Variants in KIAA0319 observed in about 807,000 individuals in gnomAD.
KIAA0319 encodes the protein dyslexia-associated protein KIAA0319.
Under a neutral mutation model 108.4 loss-of-function variants are expected in KIAA0319, and 83 were observed. The ratio of observed to expected loss-of-function variants is 0.77; its 90% CI spans 0.64 to 0.92. The LOEUF is 0.92. Among genes scored for constraint, KIAA0319 ranks in the 40% least tolerant of loss-of-function variants. The pLI, the probability that KIAA0319 is intolerant of heterozygous loss-of-function variation, is 0.00. For missense variants in KIAA0319, 1,195 were observed against 1,322.4 expected, an observed-to-expected ratio of 0.90 and a Z score of 1.49; for synonymous variants, 484 against 510.4, an observed-to-expected ratio of 0.95 and a Z score of 0.70.
intron 3 of KIAA0319, among the ~76,000 whole-genome samples, chr6:24,595,072 C>T (rs930766252): frequency 5.9e-5 from 9 of 152,250 alleles, no homozygotes; most frequent in South Asian, 4.1e-4. Context: ...CGTTTTATGA[C>T]GCTTAAGTTC....
intron 13 of KIAA0319, 112 bp downstream of exon 13, chr6:24,568,669 C>T: frequency 8.9e-7 from 1 of 1,122,498 alleles, no homozygotes; most frequent in Non-Finnish European, 1.3e-6. Flanking sequence ...TCGGCATCTG[C>T]TGCGAACAAA....
At chr6:24,628,439 G>A (rs982963921) in intron 1 of KIAA0319, among the ~76,000 whole-genome samples, 5 of 152,058 alleles carry the variant, frequency 3.3e-5, no homozygotes, top group African/African-American at 9.7e-5. Context: ...ACTGCCCTGT[G>A]GGTTTTTAAA....
intron 2 of KIAA0319, chr6:24,598,590 A>G (rs553842188): frequency 1.6e-5 from 6 of 383,254 alleles, no homozygotes; most frequent in South Asian, 1.3e-4. Flanking sequence ...ATAATTTTAC[A>G]GAAGGGTGGG....
downstream of KIAA0319, among the ~76,000 whole-genome samples, chr6:24,540,290 C>A (rs1451521000): frequency 1.3e-5 from 2 of 152,150 alleles, no homozygotes; most frequent in African/African-American, 4.8e-5. Flanking sequence ...TTTGTTTACA[C>A]CAGCATCACC....
At chr6:24,540,260 T>C (rs1438253927), downstream of KIAA0319, among the ~76,000 whole-genome samples, 2 of 152,244 alleles carry the variant, frequency 1.3e-5, no homozygotes, top group African/African-American at 4.8e-5. Context: ...GCTATACTCT[T>C]ATACAACTGA....
At chr6:24,638,172 T>C (rs1352297593) in intron 1 of KIAA0319, among the ~76,000 whole-genome samples, 1 of 152,072 alleles carries the variant, frequency 6.6e-6, no homozygotes, top group South Asian at 2.1e-4. Flanking sequence ...ATGTTTGAAG[T>C]GGTAAAAGAA....
At chr6:24,597,949 A>AAAAAAAAC (rs1769977212) in intron 2 of KIAA0319, 1 of 139,692 alleles carries the variant, frequency 7.2e-6, no homozygotes, top group Non-Finnish European at 1.5e-5. Context: ...AAAAAAAAAA[A>AAAAAAAAC]ACCACCTAGA....
chr6:24,591,699 C>T (rs1768496810), intron 3 of KIAA0319, among the ~76,000 whole-genome samples: 1 of 152,164 alleles, frequency 6.6e-6, no homozygotes, highest in Admixed American at 6.6e-5. Context: ...CTTACTAACA[C>T]TTATTATCTA....
At position 24,582,670 on chromosome 6, in the gene KIAA0319, A is replaced by C. The variant is rs189494225; in HGVS notation, c.1094-324T>G. Among the ~76,000 whole-genome samples, 679 of 151,356 alleles carry C rather than the reference A, an allele frequency of 4.5e-3. 4 individuals are homozygous for C. The highest frequency in any genetic ancestry group is 0.015 in the African/African-American group (637 of 41,330). ...AAAATGTATAAAGTTAAAAAAAAAA[A>C]AACCTCCCTAACTTAACCATTAGTA... On this transcript the variant is annotated intron_variant, in intron 5 of 20. Coordinates refer to ENST00000378214, the MANE Select transcript of KIAA0319 (RefSeq NM_014809.4).
chr6:24,590,654 AG>A (rs1308506983), intron 3 of KIAA0319, among the ~76,000 whole-genome samples: 1 of 152,190 alleles, frequency 6.6e-6, no homozygotes, highest in Non-Finnish European at 1.5e-5. Flanking sequence ...TAAAGAATGA[AG>A]GTAGACAGTG....
At position 24,588,740 on chromosome 6, in the gene KIAA0319, T is replaced by G; in HGVS notation, c.847A>C (p.Ser283Arg). 1 of 1,613,902 alleles carries G rather than the reference T, an allele frequency of 6.2e-7. No homozygotes were observed. Among genetic ancestry groups the G allele is most frequent in the East Asian group, 2.2e-5 (1 of 44,858 alleles). ...HSLPPASLEL[S>R]SVTVEKSPVL... ...GGGCTTTTCTCCACGGTGACTGAGC[T>G]GAGCTCCAGGCTTGCCGGAGGAAGA... is the stretch of plus-strand genomic sequence containing the variant. The change falls in exon 4 of 21, where the codon AGC becomes CGC. Residue 283 changes from serine (S) to arginine (R), a missense_variant. By Grantham distance (110) the Ser-to-Arg change is moderately radical (BLOSUM62 -1). Coordinates refer to ENST00000378214, the MANE Select transcript of KIAA0319 (RefSeq NM_014809.4).
At chr6:24,631,153 T>C (rs1775532532) in intron 1 of KIAA0319, among the ~76,000 whole-genome samples, 2 of 152,238 alleles carry the variant, frequency 1.3e-5, no homozygotes, top group South Asian at 4.1e-4. Flanking sequence ...TATTCCTAGT[T>C]CAATTTAGCC....
intron 19 of KIAA0319, among the ~76,000 whole-genome samples, chr6:24,554,137 G>A (rs1249593371): frequency 6.6e-6 from 1 of 152,212 alleles, no homozygotes; most frequent in South Asian, 2.1e-4. Flanking sequence ...CAGGTAGACA[G>A]CGGCAAAAGT....
Position 24,588,574 on chromosome 6 carries a change from T to A in KIAA0319, c.994+19A>T. 6.3e-7 allele frequency: 1 copy of A among 1,598,006 alleles called. No individual in the cohort carries two copies. Among genetic ancestry groups the A allele is most frequent in the Non-Finnish European group, 8.6e-7 (1 of 1,167,060 alleles). On this transcript the variant is annotated intron_variant, in intron 4 of 20. Coordinates refer to ENST00000378214, the MANE Select transcript of KIAA0319 (RefSeq NM_014809.4). ...CTGTCTTCAGTACATTTCTTGAAAT[T>A]GTATTTTTTAAAAGTTACCTGTCCT... is the stretch of plus-strand genomic sequence containing the variant.
At chr6:24,558,879 T>C (rs761784040) in intron 17 of KIAA0319, 134 bp downstream of exon 17, 7 of 887,320 alleles carry the variant, frequency 7.9e-6, no homozygotes, top group South Asian at 1.8e-5. Context: ...GAAACTCTAT[T>C]GGAGAAATAA....
intron 2 of KIAA0319, chr6:24,597,917 CAAAAAAAAAAAAAA>C (rs540860751): frequency 0.14 from 4,512 of 32,766 alleles, 623 homozygotes; most frequent in East Asian, 0.57. Context: ...GACCCTATCT[CAAAAAAAAAAAAAA>C]AAAAAAAAAA....
intron 14 of KIAA0319, among the ~76,000 whole-genome samples, chr6:24,565,084 A>G (rs761985237): frequency 2.0e-5 from 3 of 152,030 alleles, no homozygotes; most frequent in Non-Finnish European, 2.9e-5. Flanking sequence ...CGTCTCTACT[A>G]AAAATACAAT....
rs1208008313 is a variant in KIAA0319, at chr6:24,563,452, C to T, written c.2498G>A (p.Arg833Gln). 12 of 1,613,658 alleles carry T rather than the reference C, an allele frequency of 7.4e-6. No homozygotes were observed. The highest frequency in any genetic ancestry group is 4.5e-5 in the East Asian group (2 of 44,868). Residue 833 changes from arginine to glutamine, a missense_variant, in exon 16 of 21, where the codon CGG becomes CAG. Transcript: ENST00000378214. ...QVGVGQLTEQ[R>Q]KDTLVRQLAV... is the part of the protein sequence containing the mutation. ...CAGCTGCCTCACAAGGGTGTCCTTC[C>T]GCTGCTCTGTCAGCTGCCCAACACC...
chr6:24,635,350 C>T (rs1047721066), intron 1 of KIAA0319, among the ~76,000 whole-genome samples: 16 of 152,146 alleles, frequency 1.1e-4, no homozygotes, highest in African/African-American at 2.4e-4. Context: ...GTGACCCAAT[C>T]GCCTTGGCCT....
Sources: allele counts gnomAD v4.1 joint callset (sites outside exome capture counted in the v4.1 genomes callset), GRCh38; gene constraint gnomAD v4.1.1; transcripts MANE v1.5; gene names NCBI Gene and HGNC (gene_info 2026-07-23, HGNC 2026-07-21).